Variants in ZC3H18 observed in about 807,000 individuals in gnomAD.
ZC3H18 encodes zinc finger CCCH domain-containing protein 18.
In ZC3H18, 8 loss-of-function variants were observed where a neutral mutation model predicts 106.1. That is an observed-to-expected ratio of 0.08 (90% CI 0.04 to 0.14). The LOEUF is 0.14. ZC3H18 is among the 10% of genes least tolerant of loss of function. The pLI, the probability that ZC3H18 is intolerant of heterozygous loss-of-function variation, is 1.00. For synonymous variants in ZC3H18, 635 were observed against 522.1 expected (o/e 1.22, Z -2.95); for missense variants, 1,318 against 1,278.4 (o/e 1.03, Z -0.47).
chr16:88,612,075 G>A (rs1381417918), intron 8 of ZC3H18, among the ~76,000 whole-genome samples: 1 of 152,150 alleles, frequency 6.6e-6, no homozygotes, highest in African/African-American at 2.4e-5. Flanking sequence ...CTTGGGTGCA[G>A]AATGATCCTT....
chr16:88,586,774 C>A, intron 3 of ZC3H18, 90 bp downstream of exon 3: 1 of 1,001,714 alleles, frequency 1.0e-6, no homozygotes, highest in Non-Finnish European at 1.6e-6. Flanking sequence ...AGGCCCTGCT[C>A]TGCTCAAGGC....
At position 88,631,724 on chromosome 16, in the gene ZC3H18, T is replaced by C. The variant is rs1212177473; in HGVS notation, c.*425T>C. On this transcript the variant is annotated 3_prime_UTR_variant, in exon 18 of 18. Transcript: ENST00000301011. ...CTCGCGAACCACTGGTGGCACATCC[T>C]TCTCCTCCCCCGCCCCTGATCACCC... 2.3e-6 allele frequency: 1 copy of C among 426,334 alleles called. No homozygotes were observed. The highest frequency in any genetic ancestry group is 4.7e-6 in the Non-Finnish European group (1 of 212,950). 26.4% of individuals were successfully genotyped at this position (426,334 alleles called of 1,614,324 possible). A position where few individuals can be genotyped will look rare whatever the true frequency, so the allele number is the denominator to read the frequency against.
chr16:88,589,897 T>C (rs967554767), intron 3 of ZC3H18, among the ~76,000 whole-genome samples: 1 of 152,252 alleles, frequency 6.6e-6, no homozygotes, highest in African/African-American at 2.4e-5. Context: ...CACAACTTTG[T>C]GAATATACTG....
rs199711218 is a variant in ZC3H18 at position 88,623,985 on chromosome 16, C to T, written c.1821C>T (p.Ser607=). 3 of 1,613,404 alleles carry T rather than the reference C, an allele frequency of 1.9e-6. No homozygotes were observed. Among genetic ancestry groups the T allele is most frequent in the Non-Finnish European group, 1.7e-6 (2 of 1,179,470 alleles). Residue 607 remains serine (S), a synonymous_variant, in exon 11 of 18, where the codon TCC becomes TCT. Coordinates refer to ENST00000301011, the MANE Select transcript of ZC3H18 (RefSeq NM_144604.4). ...SRSRSFSSSP[S]PSPTPSPHRP... ...CCCGGTCCTTCTCTTCGTCCCCGTC[C>T]CCGTCCCCAACACCTTCCCCACATA...
At chr16:88,629,923 C>T (rs1906553710) in intron 16 of ZC3H18, among the ~76,000 whole-genome samples, 1 of 152,238 alleles carries the variant, frequency 6.6e-6, no homozygotes, top group Non-Finnish European at 1.5e-5. Context: ...GAGGAAGCTG[C>T]TCACCTTTGT....
chr16:88,614,962 C>T (rs1289139697), intron 8 of ZC3H18, among the ~76,000 whole-genome samples: 1 of 151,438 alleles, frequency 6.6e-6, no homozygotes, highest in African/African-American at 2.4e-5. Context: ...GGACGGGCTG[C>T]CCCACCTCCT....
rs373752292 is a variant in ZC3H18, at chr16:88,623,206, C to A, written c.1668-13C>A. 3.7e-6 allele frequency: 6 copies of A among 1,610,880 alleles called. No individual in the cohort carries two copies. The highest frequency in any genetic ancestry group is 5.1e-6 in the Non-Finnish European group (6 of 1,179,584). ...TTCTCACTTCTCGCCACGCTCCGTC[C>A]CGCCCGCCCCAGGTCGTCTTCGCGG... On this transcript the variant is annotated splice_polypyrimidine_tract_variant and intron_variant, in intron 9 of 17. Transcript: ENST00000301011.
At chr16:88,612,575 G>T (rs1243451694) in intron 8 of ZC3H18, among the ~76,000 whole-genome samples, 1 of 151,706 alleles carries the variant, frequency 6.6e-6, no homozygotes, top group African/African-American at 2.4e-5. Context: ...TACTCGGGAG[G>T]CCAAGGCAGG....
chr16:88,610,524 C>T (rs190196542), intron 7 of ZC3H18, among the ~76,000 whole-genome samples: 13 of 152,360 alleles, frequency 8.5e-5, no homozygotes, highest in Non-Finnish European at 1.6e-4. Flanking sequence ...CTTTCCACTG[C>T]GTTCCTCTCT....
rs532749841 is a variant in ZC3H18, at chr16:88,585,973, C to T, written c.604-627C>T. On this transcript the variant is annotated intron_variant, in intron 2 of 17. Transcript: ENST00000301011. ...TAAGGAGGGGTCTCAGCTGCACGTCCGTGGGAACAGGCCCTGGGACAGTGG... is the reference window on the plus strand; with the variant it reads ...TAAGGAGGGGTCTCAGCTGCACGTCTGTGGGAACAGGCCCTGGGACAGTGG... 1.2e-4 allele frequency among the ~76,000 whole-genome samples: 18 copies of T among 152,132 alleles called. No homozygotes were observed. The South Asian group carries it at 3.1e-3, about 26-fold the overall frequency.
At chr16:88,617,731 A>G (rs970386687) in intron 8 of ZC3H18, among the ~76,000 whole-genome samples, 1 of 151,996 alleles carries the variant, frequency 6.6e-6, no homozygotes, top group South Asian at 2.1e-4. Flanking sequence ...CCCAGCACCT[A>G]CTCACCCCGG....
rs750884212 is a variant in ZC3H18 at position 88,599,861 on chromosome 16, T to C, written c.1001T>C (p.Ile334Thr). The change falls in exon 6 of 18, where the codon ATT becomes ACT. Residue 334 changes from isoleucine (I) to threonine (T), a missense_variant. By Grantham distance (89) the Ile-to-Thr change is moderately conservative. Around this residue, in one of 6 missense-constraint regions of ZC3H18, gnomAD observed 848 missense variants for 821.7 expected, o/e 1.03. Transcript: ENST00000301011. Reference sequence around the variant, plus strand: ...GAAGAGAAAAGGTTTACGGTGACCATTGGCGAAGACGAACGGGAATTTGAC... The same window carrying C: ...GAAGAGAAAAGGTTTACGGTGACCACTGGCGAAGACGAACGGGAATTTGAC... ...DFEEKRFTVT[I>T]GEDEREFDKE... is the part of the protein sequence containing the mutation. 2 of 1,614,110 alleles carry C rather than the reference T, an allele frequency of 1.2e-6. No homozygotes were observed. Among genetic ancestry groups the C allele is most frequent in the South Asian group, 1.1e-5 (1 of 91,090 alleles).
intron 6 of ZC3H18, among the ~76,000 whole-genome samples, chr16:88,600,791 G>GA (rs1370621375): frequency 6.6e-5 from 10 of 152,216 alleles, no homozygotes; most frequent in African/African-American, 2.4e-4. Flanking sequence ...GATCTTGGGG[G>GA]ATTGCATGGC....
intron 6 of ZC3H18, among the ~76,000 whole-genome samples, chr16:88,607,351 T>G (rs1905061039): frequency 6.6e-6 from 1 of 152,242 alleles, no homozygotes; most frequent in Admixed American, 6.5e-5. Context: ...TTTTCTTGGC[T>G]GTTCTTGGGG....
rs971709987 is a variant in ZC3H18 at position 88,627,289 on chromosome 16, C to T, written c.2109-333C>T. ...TTTACCATGTTGGCCAAGCTGGTCCCGAACTCCTGACATCAGTTCAGCTGG... is the reference window on the plus strand; with the variant it reads ...TTTACCATGTTGGCCAAGCTGGTCCTGAACTCCTGACATCAGTTCAGCTGG... On this transcript the variant is annotated intron_variant, in intron 13 of 17. Coordinates refer to ENST00000301011, the MANE Select transcript of ZC3H18 (RefSeq NM_144604.4). The surrounding 1 kb of genome is among the most constrained non-coding windows in gnomAD (Gnocchi z 4.5). 1.5e-5 allele frequency: 3 copies of T among 203,874 alleles called. No individual in the cohort carries two copies. The highest frequency in any genetic ancestry group is 1.5e-4 in the South Asian group (1 of 6,572). 12.6% of individuals were successfully genotyped at this position (203,874 alleles called of 1,614,324 possible).
intron 3 of ZC3H18, among the ~76,000 whole-genome samples, chr16:88,590,752 G>A (rs1346308630): frequency 7.3e-5 from 11 of 151,448 alleles, no homozygotes; most frequent in Admixed American, 7.2e-4. Context: ...CAGACATGGG[G>A]TTTCATCATG....
chr16:88,600,857 G>A (rs1224669039), intron 6 of ZC3H18, among the ~76,000 whole-genome samples: 3 of 152,242 alleles, frequency 2.0e-5, no homozygotes, highest in Non-Finnish European at 4.4e-5. Flanking sequence ...TCAGGGCAGG[G>A]AACTGGATTA....
At chr16:88,630,320 C>G in intron 16 of ZC3H18, 165 bp from the exon 17 acceptor site, 1 of 587,804 alleles carries the variant, frequency 1.7e-6, no homozygotes, top group Non-Finnish European at 3.0e-6. Context: ...GCCCACATCT[C>G]TCTTCTCCTA....
intron 5 of ZC3H18, 30 bp downstream of exon 5, chr16:88,598,742 A>G (rs1597337478): frequency 1.3e-6 from 2 of 1,584,712 alleles, no homozygotes; most frequent in African/African-American, 1.3e-5. Flanking sequence ...AATCCCGACA[A>G]GAAAGATGCT....
Sources: gnomAD v4.1 joint callset for allele counts (sites outside exome capture counted in the v4.1 genomes callset) on GRCh38, gnomAD v4.1.1 for gene constraint, gnomAD v4.1.1 regional missense constraint, Gnocchi (gnomAD v3.1) non-coding constraint, MANE v1.5 for transcripts, NCBI Gene and HGNC (gene_info 2026-07-23, HGNC 2026-07-21) for gene names.